The following ARHGAP20 variants were observed in gnomAD, a reference collection of about 807,000 sequenced individuals.
ARHGAP20 encodes the protein rho GTPase-activating protein 20.
In ARHGAP20, 34 loss-of-function variants were observed where a neutral mutation model predicts 73.7. The observed-to-expected ratio is 0.46, with a 90% CI of 0.35 to 0.61. ARHGAP20 has a LOEUF of 0.61. Among genes scored for constraint, ARHGAP20 ranks in the 20% least tolerant of loss-of-function variants. The probability of loss-of-function intolerance (pLI) is 0.00; values close to 1 mark genes in which losing one functional copy is unlikely to be tolerated. For missense variants in ARHGAP20, 1,314 were observed against 1,420.9 expected, an observed-to-expected ratio of 0.92 and a Z score of 1.21; for synonymous variants, 523 against 518.2, an observed-to-expected ratio of 1.01 and a Z score of -0.13.
intron 1 of ARHGAP20, among the ~76,000 whole-genome samples, chr11:110,695,301 T>C (rs756005789): frequency 2.6e-5 from 4 of 151,502 alleles, no homozygotes; most frequent in African/African-American, 7.3e-5. Flanking sequence ...TTAATAGATA[T>C]GACACCAAAA....
chr11:110,678,204 G>A (rs191060668), intron 2 of ARHGAP20, among the ~76,000 whole-genome samples: 53 of 152,268 alleles, frequency 3.5e-4, no homozygotes, highest in African/African-American at 1.2e-3. Context: ...TTAGAGCTGG[G>A]GATGTGGAAG....
intron 2 of ARHGAP20, among the ~76,000 whole-genome samples, chr11:110,684,875 A>G (rs1407456365): frequency 2.0e-5 from 3 of 151,994 alleles, no homozygotes; most frequent in Admixed American, 2.0e-4. Flanking sequence ...AAACAATGGG[A>G]CAGAAACATG....
At chr11:110,590,556 G>T in intron 11 of ARHGAP20, 92 bp downstream of exon 11, 1 of 1,306,522 alleles carries the variant, frequency 7.7e-7, no homozygotes, top group Non-Finnish European at 1.0e-6. Context: ...ATGGGTCTTT[G>T]CAAATAGAAA....
At chr11:110,587,123 C>T (rs145177764) in intron 11 of ARHGAP20, among the ~76,000 whole-genome samples, 3 of 152,270 alleles carry the variant, frequency 2.0e-5, no homozygotes, top group African/African-American at 7.2e-5. Flanking sequence ...TGTTGTTTAG[C>T]TTTTGTTGTT....
At chr11:110,623,004 T>TCCTA (rs1948661821) in intron 4 of ARHGAP20, among the ~76,000 whole-genome samples, 1 of 152,154 alleles carries the variant, frequency 6.6e-6, no homozygotes, top group Non-Finnish European at 1.5e-5. Context: ...TCACTTAAAA[T>TCCTA]TACTTCCTTT....
intron 1 of ARHGAP20, among the ~76,000 whole-genome samples, 172 bp from the exon 2 acceptor site, chr11:110,690,801 A>G (rs1195717301): frequency 2.6e-5 from 4 of 152,194 alleles, no homozygotes; most frequent in Admixed American, 6.5e-5. Context: ...GATAGTTAAA[A>G]AAAAAACAGG....
At chr11:110,638,748 G>T (rs1269081601) in intron 2 of ARHGAP20, among the ~76,000 whole-genome samples, 1 of 150,710 alleles carries the variant, frequency 6.6e-6, no homozygotes, top group African/African-American at 2.4e-5. Flanking sequence ...ACTATCGCAA[G>T]GACAAAAAAC....
At chr11:110,697,566 TGTTTA>T (rs1565483364) in intron 1 of ARHGAP20, among the ~76,000 whole-genome samples, 2 of 151,856 alleles carry the variant, frequency 1.3e-5, no homozygotes, top group Admixed American at 6.6e-5. Context: ...TTGCAGACGC[TGTTTA>T]GTTTAATTAA....
At chr11:110,618,239 C>T (rs1948529764) in intron 4 of ARHGAP20, among the ~76,000 whole-genome samples, 1 of 152,124 alleles carries the variant, frequency 6.6e-6, no homozygotes, top group South Asian at 2.1e-4. Flanking sequence ...TAGAAGTCTC[C>T]TGTATTCTAG....
chr11:110,620,373 A>T (rs1591320993), intron 4 of ARHGAP20, among the ~76,000 whole-genome samples: 1 of 149,874 alleles, frequency 6.7e-6, no homozygotes, highest in African/African-American at 2.5e-5. Context: ...TTGGCCTCAA[A>T]CTCCCCCCCT....
intron 9 of ARHGAP20, among the ~76,000 whole-genome samples, chr11:110,595,739 A>G (rs1204868484): frequency 2.6e-5 from 4 of 152,218 alleles, no homozygotes; most frequent in Non-Finnish European, 5.9e-5. Flanking sequence ...TATAGATTCA[A>G]TGCCATTCCC....
chr11:110,697,548 C>A (rs1334501304), intron 1 of ARHGAP20, among the ~76,000 whole-genome samples: 1 of 151,612 alleles, frequency 6.6e-6, no homozygotes, highest in Admixed American at 6.6e-5. Flanking sequence ...CTTATTATTT[C>A]TTTTGCTTTG....
intron 2 of ARHGAP20, among the ~76,000 whole-genome samples, chr11:110,632,234 G>A (rs577401064): frequency 6.6e-6 from 1 of 152,088 alleles, no homozygotes; most frequent in Non-Finnish European, 1.5e-5. Flanking sequence ...GTAGGTATAA[G>A]TTTAATTTTA....
At chr11:110,626,980 T>A (rs532294481) in intron 3 of ARHGAP20, among the ~76,000 whole-genome samples, 49 of 152,308 alleles carry the variant, frequency 3.2e-4, no homozygotes, top group African/African-American at 1.1e-3. Flanking sequence ...AAATGCTAAT[T>A]TAATGTGAAC....
intron 1 of ARHGAP20, among the ~76,000 whole-genome samples, chr11:110,703,996 C>T (rs547280886): frequency 6.6e-6 from 1 of 152,328 alleles, no homozygotes; most frequent in Non-Finnish European, 1.5e-5. Flanking sequence ...AATTGTCAGA[C>T]ACAACCGCAA....
At chr11:110,622,378 G>T (rs1210993185) in intron 4 of ARHGAP20, among the ~76,000 whole-genome samples, 1 of 152,078 alleles carries the variant, frequency 6.6e-6, no homozygotes, top group Non-Finnish European at 1.5e-5. Flanking sequence ...TTCCGTAAAA[G>T]TTACAAAGAT....
intron 8 of ARHGAP20, among the ~76,000 whole-genome samples, chr11:110,608,662 G>A (rs1275041093): frequency 2.0e-5 from 3 of 151,908 alleles, no homozygotes; most frequent in Non-Finnish European, 2.9e-5. Context: ...ATAAATGTAT[G>A]GAGAAAAATA....
chr11:110,649,758 G>A (rs1382996894), intron 2 of ARHGAP20, among the ~76,000 whole-genome samples: 1 of 152,066 alleles, frequency 6.6e-6, no homozygotes, highest in African/African-American at 2.4e-5. Flanking sequence ...CTGGAAAAAC[G>A]GTTTCCTGAA....
rs762948424 is a variant in ARHGAP20, at chr11:110,712,123, T to C, written c.105+4A>G. On this transcript the variant is annotated splice_donor_region_variant and intron_variant, in intron 1 of 14. Transcript: ENST00000683387. ...GGGCACGGGCCCCCGCTCAGCGTCC[T>C]CACCTTCTTGGTGCAGCTGCCTCCC... 84 of 1,342,972 alleles carry C rather than the reference T, an allele frequency of 6.3e-5. 1 individual carries two copies. Among genetic ancestry groups the C allele is most frequent in the Admixed American group, 5.4e-4 (17 of 31,304 alleles). 83.2% of individuals were successfully genotyped at this position (1,342,972 alleles called of 1,614,324 possible).
Sources: allele counts gnomAD v4.1 joint callset (sites outside exome capture counted in the v4.1 genomes callset), GRCh38; gene constraint gnomAD v4.1.1; transcripts MANE v1.5; gene names NCBI Gene and HGNC (gene_info 2026-07-23, HGNC 2026-07-21).